The following IL1RAPL2 variants were observed in gnomAD, a reference collection of about 807,000 sequenced individuals.
IL1RAPL2 encodes the protein X-linked interleukin-1 receptor accessory protein-like 2.
IL1RAPL2 carries 3 observed loss-of-function variants against 44.1 expected under a neutral mutation model. That is an observed-to-expected ratio of 0.07 (90% CI 0.03 to 0.18). IL1RAPL2 has a LOEUF of 0.18. Among genes scored for constraint, IL1RAPL2 ranks in the 10% least tolerant of loss-of-function variants. IL1RAPL2 has a pLI of 1.00. For synonymous variants in IL1RAPL2, 181 were observed against 178.8 expected (o/e 1.01, Z -0.10); for missense variants, 391 against 496.4 (o/e 0.79, Z 2.02).
intron 6 of IL1RAPL2, among the ~76,000 whole-genome samples, chrX:105,547,799 T>C (rs1318533607): frequency 8.9e-6 from 1 of 112,510 alleles, no homozygotes; most frequent in Admixed American, 9.4e-5. Context: ...TGTTTGTTAA[T>C]ATCTCTTTGC....
chrX:105,024,435 A>G (rs955453209), intron 2 of IL1RAPL2, among the ~76,000 whole-genome samples: 1 of 111,542 alleles, frequency 9.0e-6, no homozygotes, highest in Non-Finnish European at 1.9e-5. Flanking sequence ...GGATTCAGCT[A>G]TGATAACTAT....
At chrX:105,741,648 G>A (rs1429663840) in intron 8 of IL1RAPL2, among the ~76,000 whole-genome samples, 3 of 111,217 alleles carry the variant, frequency 2.7e-5, no homozygotes, top group Admixed American at 9.6e-5. Context: ...AAAATAAGGC[G>A]TTTATATCTC....
intron 6 of IL1RAPL2, among the ~76,000 whole-genome samples, chrX:105,558,439 T>C (rs1387416560): frequency 8.9e-6 from 1 of 111,814 alleles, no homozygotes; most frequent in Admixed American, 9.5e-5. Context: ...ATGTTGTTTA[T>C]GTGAAGCAAC....
chrX:105,446,312 C>A (rs1272239909), intron 5 of IL1RAPL2, among the ~76,000 whole-genome samples: 1 of 110,968 alleles, frequency 9.0e-6, no homozygotes, highest in African/African-American at 3.3e-5. Context: ...TTGTAGGTAA[C>A]AGATCATAGA....
chrX:104,744,317 C>G, intron 2 of IL1RAPL2, among the ~76,000 whole-genome samples: 1 of 110,660 alleles, frequency 9.0e-6, no homozygotes, highest in East Asian at 2.9e-4. Flanking sequence ...GACTTTTTTT[C>G]AATATTCTGG....
intron 5 of IL1RAPL2, among the ~76,000 whole-genome samples, chrX:105,366,635 A>G (rs1307059354): frequency 9.0e-6 from 1 of 111,253 alleles, no homozygotes; most frequent in African/African-American, 3.3e-5. Context: ...ATTTCCACAT[A>G]TGTGTGCATT....
intron 2 of IL1RAPL2, among the ~76,000 whole-genome samples, chrX:105,185,442 G>A (rs1410733275): frequency 8.9e-6 from 1 of 111,867 alleles, no homozygotes; most frequent in Non-Finnish European, 1.9e-5. Context: ...GACTTTCCAA[G>A]TGATCACATA....
intron 5 of IL1RAPL2, among the ~76,000 whole-genome samples, chrX:105,376,083 G>A (rs1000500094): frequency 7.2e-5 from 8 of 111,813 alleles, no homozygotes; most frequent in African/African-American, 1.6e-4. Context: ...CCTGGGCAAC[G>A]AAGATTAGAT....
chrX:105,045,700 A>G (rs980234816), intron 2 of IL1RAPL2, among the ~76,000 whole-genome samples: 2 of 111,041 alleles, frequency 1.8e-5, no homozygotes, highest in Non-Finnish European at 3.8e-5. Flanking sequence ...GGCACATGCC[A>G]CCAGACTTGG....
At chrX:105,152,222 C>T (rs1016154574) in intron 2 of IL1RAPL2, among the ~76,000 whole-genome samples, 5 of 111,309 alleles carry the variant, frequency 4.5e-5, no homozygotes, top group African/African-American at 1.6e-4. Flanking sequence ...AGTCTTATTC[C>T]CAGAAAAAAT....
intron 5 of IL1RAPL2, among the ~76,000 whole-genome samples, chrX:105,314,442 A>G (rs2034821132): frequency 9.0e-6 from 1 of 111,655 alleles, no homozygotes; most frequent in Admixed American, 9.6e-5. Flanking sequence ...GTAGCTGCGG[A>G]CAATCAAGCA....
At chrX:104,605,026 C>A (rs1223122226) in intron 1 of IL1RAPL2, among the ~76,000 whole-genome samples, 3 of 111,686 alleles carry the variant, frequency 2.7e-5, no homozygotes, top group Non-Finnish European at 5.6e-5. Context: ...TTCTTCTCAG[C>A]ACCACATCAC....
At chrX:104,585,259 A>ATTATATATAT (rs1165895451) in intron 1 of IL1RAPL2, among the ~76,000 whole-genome samples, 1 of 27,877 alleles carries the variant, frequency 3.6e-5, no homozygotes, top group Non-Finnish European at 5.2e-5. Context: ...TATATAATAT[A>ATTATATATAT]TATATAATAT....
chrX:104,793,442 G>A (rs778339184), intron 2 of IL1RAPL2, among the ~76,000 whole-genome samples: 4 of 111,861 alleles, frequency 3.6e-5, no homozygotes, highest in Admixed American at 9.5e-5. Flanking sequence ...AAAGGAAAGT[G>A]GATCAAGGTG....
chrX:105,093,129 C>T (rs2032564169), intron 2 of IL1RAPL2, among the ~76,000 whole-genome samples: 1 of 109,451 alleles, frequency 9.1e-6, no homozygotes, highest in Non-Finnish European at 1.9e-5. Context: ...CTCTACCAAC[C>T]TCCCCTCTTG....
At chrX:105,420,961 T>G (rs1482290200) in intron 5 of IL1RAPL2, among the ~76,000 whole-genome samples, 1 of 112,067 alleles carries the variant, frequency 8.9e-6, no homozygotes, top group African/African-American at 3.2e-5. Flanking sequence ...AGAATAGTAC[T>G]GTGAACCCCA....
At chrX:105,440,847 T>C (rs988910691) in intron 5 of IL1RAPL2, among the ~76,000 whole-genome samples, 1 of 111,362 alleles carries the variant, frequency 9.0e-6, no homozygotes, top group African/African-American at 3.3e-5. Context: ...TCCCCCATAC[T>C]GTTCTTGTGG....
At chrX:104,735,816 A>G (rs1167132737) in intron 2 of IL1RAPL2, among the ~76,000 whole-genome samples, 1 of 111,506 alleles carries the variant, frequency 9.0e-6, no homozygotes, top group Non-Finnish European at 1.9e-5. Flanking sequence ...ATGCTGTGAT[A>G]CACAAGCTGT....
intron 5 of IL1RAPL2, among the ~76,000 whole-genome samples, chrX:105,390,569 G>C (rs899238058): frequency 2.7e-5 from 3 of 110,824 alleles, no homozygotes; most frequent in African/African-American, 9.8e-5. Context: ...GCTTAGTTAA[G>C]AGTTAACTAT....
Sources: allele counts gnomAD v4.1 joint callset (sites outside exome capture counted in the v4.1 genomes callset), GRCh38; gene constraint gnomAD v4.1.1; transcripts MANE v1.5; gene names NCBI Gene and HGNC (gene_info 2026-07-23, HGNC 2026-07-21).